TANC1: variants seen among roughly 807,000 people sequenced by gnomAD.
The protein encoded by TANC1 is protein TANC1.
In TANC1, 77 loss-of-function variants were observed where a neutral mutation model predicts 149.7. The ratio of observed to expected loss-of-function variants is 0.51; its 90% confidence interval spans 0.43 to 0.62. TANC1 has a LOEUF of 0.62. Ranked by LOEUF, TANC1 falls within the 20% of genes least tolerant of loss-of-function variation. The pLI is 0.00. For synonymous variants in TANC1, 854 were observed against 925.0 expected, an observed-to-expected ratio of 0.92 and a Z score of 1.39; for missense variants, 1,985 against 2,321.8, an observed-to-expected ratio of 0.85 and a Z score of 2.98.
intron 16 of TANC1, among the ~76,000 whole-genome samples, chr2:159,192,572 G>A (rs1271070018): frequency 6.6e-6 from 1 of 152,186 alleles, no homozygotes; most frequent in Admixed American, 6.5e-5. Context: ...TATTAAAAAT[G>A]TACCACCCAG....
At chr2:159,060,213 G>A (rs1356284094) in intron 2 of TANC1, 1 of 249,164 alleles carries the variant, frequency 4.0e-6, no homozygotes, top group Non-Finnish European at 6.4e-6. Context: ...TCTTAATTAA[G>A]TGTACCTTAG....
chr2:159,021,245 A>G (rs183914416), intron 2 of TANC1, among the ~76,000 whole-genome samples: 3 of 152,270 alleles, frequency 2.0e-5, no homozygotes, highest in African/African-American at 7.2e-5. Flanking sequence ...ACACATAATG[A>G]TATAGTAATC....
intron 3 of TANC1, among the ~76,000 whole-genome samples, chr2:159,093,934 T>C (rs1401090003): frequency 6.6e-6 from 1 of 152,206 alleles, no homozygotes; most frequent in Non-Finnish European, 1.5e-5. Context: ...AATTTATAAT[T>C]AGGAAACTTT....
chr2:158,968,852 G>A (rs2032351972), intron 1 of TANC1, 70 bp downstream of exon 1: 1 of 152,414 alleles, frequency 6.6e-6, no homozygotes, highest in Non-Finnish European at 1.5e-5. Flanking sequence ...GCCAGTGTGC[G>A]GAGAGGTCGA....
chr2:159,219,630 A>C (rs766914051), intron 21 of TANC1, 62 bp from the exon 22 acceptor site: 294 of 1,601,810 alleles, frequency 1.8e-4, no homozygotes, highest in Non-Finnish European at 2.3e-4. Flanking sequence ...GTGTGAAACA[A>C]TTTGCTTTCT....
intron 4 of TANC1, among the ~76,000 whole-genome samples, chr2:159,112,596 T>G (rs1415024160): frequency 3.3e-5 from 5 of 149,490 alleles, no homozygotes; most frequent in Non-Finnish European, 5.9e-5. Flanking sequence ...AGAGACAGGT[T>G]CTTGCTTTGT....
rs965315309 is a variant in TANC1 at position 159,229,492 on chromosome 2, C to T, written c.4152-86C>T. ...AAACTCACTTGCTACCTTCTCTTTC[C>T]TTTGAGCACAGCTCTTTTATGAACA... On this transcript the variant is annotated intron_variant, in intron 26 of 26. Coordinates refer to ENST00000263635, the MANE Select transcript of TANC1 (RefSeq NM_033394.3). The T allele has an allele frequency of 2.5e-6, 3 of 1,183,026 alleles. No homozygotes were observed. The African/African-American group carries it at 4.6e-5, about 18-fold the overall frequency. 73.3% of individuals were successfully genotyped at this position (1,183,026 alleles called of 1,614,324 possible). A position where few individuals can be genotyped will look rare whatever the true frequency, so the allele number is the denominator to read the frequency against.
Position 159,170,763 on chromosome 2 carries a change from A to T in TANC1, c.1309A>T (p.Met437Leu), listed in dbSNP as rs1278288650. Residue 437 changes from methionine to leucine, a missense_variant, in exon 10 of 27, where the codon ATG becomes TTG. By Grantham distance (15) the Met-to-Leu change is conservative. This residue lies in a region of TANC1 where 557 missense variants were observed against 612.9 expected (regional missense o/e 0.91). Transcript: ENST00000263635. Reference protein sequence around the residue: ...LVALSCHGSRMRQIASNSPGS... With the variant: ...LVALSCHGSRLRQIASNSPGS... ...GGCCCTGAGCTGCCACGGAAGCCGCATGAGGCAGATTGCTTCCAACAGCCC... is the reference window on the plus strand; with the variant it reads ...GGCCCTGAGCTGCCACGGAAGCCGCTTGAGGCAGATTGCTTCCAACAGCCC... 1.9e-6 allele frequency: 3 copies of T among 1,614,270 alleles called. No homozygotes were observed. The highest frequency in any genetic ancestry group is 2.5e-6 in the Non-Finnish European group (3 of 1,180,046).
chr2:159,041,016 G>T (rs918340775), intron 2 of TANC1, among the ~76,000 whole-genome samples: 1 of 152,190 alleles, frequency 6.6e-6, no homozygotes, highest in Non-Finnish European at 1.5e-5. Context: ...TAAGAGTCAG[G>T]TCCCTCAGCT....
intron 18 of TANC1, 95 bp from the exon 19 acceptor site, chr2:159,198,880 G>C: frequency 2.3e-6 from 2 of 853,758 alleles, no homozygotes; most frequent in Non-Finnish European, 3.9e-6. Flanking sequence ...TGAGATAATG[G>C]TTAAAAAACA....
intron 1 of TANC1, among the ~76,000 whole-genome samples, chr2:158,972,174 G>T (rs143510471): frequency 4.9e-4 from 75 of 152,092 alleles, no homozygotes; most frequent in African/African-American, 1.6e-3. Context: ...TAGGCTTCAG[G>T]GTGTAATGTG....
chr2:158,992,873 C>T (rs1219943512), intron 1 of TANC1, among the ~76,000 whole-genome samples: 1 of 151,982 alleles, frequency 6.6e-6, no homozygotes, highest in East Asian at 1.9e-4. Context: ...TCCTCCTTGG[C>T]TTTTTAAATA....
chr2:159,085,049 AT>A (rs1485800430), intron 3 of TANC1, among the ~76,000 whole-genome samples: 1 of 152,174 alleles, frequency 6.6e-6, no homozygotes, highest in African/African-American at 2.4e-5. Flanking sequence ...AAGTTAATGT[AT>A]TGCTGTGGTT....
chr2:159,092,903 A>C (rs2045697113), intron 3 of TANC1, among the ~76,000 whole-genome samples: 1 of 152,316 alleles, frequency 6.6e-6, no homozygotes, highest in South Asian at 2.1e-4. Flanking sequence ...TAAACGTGTG[A>C]AGTGGTGAGA....
rs1408154828 is a variant in TANC1, at chr2:159,036,397, G to A, written c.-15-29499G>A. On this transcript the variant is annotated intron_variant, in intron 2 of 26. Coordinates refer to ENST00000263635, the MANE Select transcript of TANC1 (RefSeq NM_033394.3). ...TATTATACTTTAAGTTCTAGGGTACGTGTGCACAATGTGCAGGTTTCTTAC... is the reference window on the plus strand; with the variant it reads ...TATTATACTTTAAGTTCTAGGGTACATGTGCACAATGTGCAGGTTTCTTAC... 6.6e-5 allele frequency among the ~76,000 whole-genome samples: 10 copies of A among 152,188 alleles called. No homozygotes were observed. In the East Asian group the frequency reaches 7.7e-4, roughly 12 times the overall value.
chr2:159,139,295 T>C (rs552301701), intron 5 of TANC1, among the ~76,000 whole-genome samples: 1 of 152,336 alleles, frequency 6.6e-6, no homozygotes, highest in East Asian at 1.9e-4. Flanking sequence ...TAAATATATT[T>C]GAAACACAGC....
rs377250331 is a variant in TANC1 at position 159,230,136 on chromosome 2, C to T, written c.4710C>T (p.Ile1570=). ...NPPPSPMPGR[I]AATPAGSRTQ... ...CTCCAAGTCCCATGCCAGGGAGAATCGCTGCCACTCCTGCTGGGAGCAGAA... is the reference window on the plus strand; with the variant it reads ...CTCCAAGTCCCATGCCAGGGAGAATTGCTGCCACTCCTGCTGGGAGCAGAA... Residue 1570 remains isoleucine (I), a synonymous_variant, in exon 27 of 27, where the codon ATC becomes ATT. Coordinates refer to ENST00000263635, the MANE Select transcript of TANC1 (RefSeq NM_033394.3). This position sits in a 1 kb window ranked among gnomAD's most constrained non-coding sequence, Gnocchi z 4.4. 3.7e-5 allele frequency: 60 copies of T among 1,613,922 alleles called. No individual in the cohort carries two copies. The highest frequency in any genetic ancestry group is 6.7e-5 in the East Asian group (3 of 44,882).
chr2:158,996,469 C>T (rs187219878), intron 1 of TANC1, among the ~76,000 whole-genome samples: 9 of 152,306 alleles, frequency 5.9e-5, no homozygotes, highest in Non-Finnish European at 1.2e-4. Flanking sequence ...TTTGTACACA[C>T]GCAGTGTGTA....
At chr2:159,152,556 A>G (rs1196196321) in intron 7 of TANC1, among the ~76,000 whole-genome samples, 1 of 150,852 alleles carries the variant, frequency 6.6e-6, no homozygotes, top group African/African-American at 2.4e-5. Flanking sequence ...CAGTGGTGCA[A>G]TTGTAGCTCA....
Sources: gnomAD v4.1 joint callset for allele counts (sites outside exome capture counted in the v4.1 genomes callset) on GRCh38, gnomAD v4.1.1 for gene constraint, gnomAD v4.1.1 regional missense constraint, Gnocchi (gnomAD v3.1) non-coding constraint, MANE v1.5 for transcripts, NCBI Gene and HGNC (gene_info 2026-07-23, HGNC 2026-07-21) for gene names.